The following SLC38A6 variants were observed in gnomAD, a reference collection of about 807,000 sequenced individuals.
The protein encoded by SLC38A6 is N system amino acid transporter NAT-1.
A neutral mutation model predicts 65.0 loss-of-function variants in SLC38A6; 73 were observed. The ratio of observed to expected loss-of-function variants is 1.12; its 90% confidence interval spans 0.93 to 1.37. The LOEUF (loss-of-function observed/expected upper bound fraction) is 1.37. Ranked by LOEUF, SLC38A6 falls within the 40% of genes most tolerant of loss-of-function variation. The pLI, the probability that SLC38A6 is intolerant of heterozygous loss-of-function variation, is 0.00. For synonymous variants in SLC38A6, 183 were observed against 178.8 expected (o/e 1.02, Z -0.19); for missense variants, 561 against 531.1 (o/e 1.06, Z -0.55).
intron 16 of SLC38A6, among the ~76,000 whole-genome samples, chr14:61,080,592 C>G (rs1267458484): frequency 2.0e-5 from 3 of 152,192 alleles, no homozygotes; most frequent in African/African-American, 4.8e-5. Context: ...GGAAGCAAGT[C>G]GAAGTGGTTT....
intron 8 of SLC38A6, 27 bp downstream of exon 8, chr14:61,037,710 T>C: frequency 7.0e-7 from 1 of 1,433,184 alleles, no homozygotes; most frequent in Non-Finnish European, 9.6e-7. Flanking sequence ...ATACATTGCT[T>C]ATCTCCTCAC....
In SLC38A6 at chr14:60,994,071, A is replaced by C. The variant is rs562385009; in HGVS notation, c.310+9268A>C. 1.9e-3 allele frequency among the ~76,000 whole-genome samples: 290 copies of C among 152,358 alleles called. 1 individual carries two copies. The highest frequency in any genetic ancestry group is 6.4e-3 in the African/African-American group (265 of 41,584). ...ATATAATCTCATCATAGGATCCATCAGTAGTGCTCCTTGGTATTTACCCAA... is the reference window on the plus strand; with the variant it reads ...ATATAATCTCATCATAGGATCCATCCGTAGTGCTCCTTGGTATTTACCCAA... On this transcript the variant is annotated intron_variant, in intron 3 of 15. Transcript: ENST00000267488.
chr14:61,039,369 T>TTTAG (rs1215484583), intron 8 of SLC38A6, among the ~76,000 whole-genome samples: 3 of 151,872 alleles, frequency 2.0e-5, no homozygotes, highest in Non-Finnish European at 2.9e-5. Flanking sequence ...TATTTTATTA[T>TTTAG]TTATTTATTT....
chr14:60,983,457 G>C (rs955012270), intron 2 of SLC38A6, among the ~76,000 whole-genome samples: 3 of 152,182 alleles, frequency 2.0e-5, no homozygotes, highest in Admixed American at 2.0e-4. Context: ...TAGCCTGGGT[G>C]ACAGAGTGAG....
At chr14:60,982,065 T>G (rs1166439367) in intron 1 of SLC38A6, 3 of 431,310 alleles carry the variant, frequency 7.0e-6, no homozygotes, top group Non-Finnish European at 1.4e-5. Flanking sequence ...GTAGAACTAA[T>G]TCATTAGATA....
chr14:61,023,987 C>G (rs1392106924), intron 5 of SLC38A6, among the ~76,000 whole-genome samples: 1 of 152,072 alleles, frequency 6.6e-6, no homozygotes, highest in Non-Finnish European at 1.5e-5. Flanking sequence ...GGGGGAAAAG[C>G]TAGTGACCTG....
Position 61,081,632 on chromosome 14 carries a change from C to T in SLC38A6, c.1409-1923C>T, listed in dbSNP as rs188815282. 3.5e-3 allele frequency among the ~76,000 whole-genome samples: 529 copies of T among 152,160 alleles called. 3 individuals are homozygous for T. The highest frequency in any genetic ancestry group is 0.024 in the South Asian group (114 of 4,814). ...CCCGGGAGGCAGAGGTTGCAGTAAG[C>T]CAATACCCGCCACTGCACTCCAGCC... On this transcript the variant is annotated intron_variant, in intron 16 of 16. Coordinates refer to the SLC38A6 transcript ENST00000354886.
intron 3 of SLC38A6, among the ~76,000 whole-genome samples, chr14:61,011,611 A>G (rs1250276462): frequency 2.0e-5 from 3 of 152,214 alleles, no homozygotes; most frequent in Non-Finnish European, 4.4e-5. Flanking sequence ...AATTTTGCCA[A>G]AGGCCTTTTC....
chr14:61,053,262 T>G (rs2042595921), downstream of SLC38A6, among the ~76,000 whole-genome samples: 1 of 152,178 alleles, frequency 6.6e-6, no homozygotes, highest in African/African-American at 2.4e-5. Context: ...ATTTTCTTTA[T>G]CCAGTCTGTC....
At chr14:61,005,580 C>A (rs1424807889) in intron 3 of SLC38A6, among the ~76,000 whole-genome samples, 7 of 151,768 alleles carry the variant, frequency 4.6e-5, no homozygotes, top group Non-Finnish European at 5.9e-5. Flanking sequence ...CTCCCATTCA[C>A]AATTGCTTCA....
intron 10 of SLC38A6, among the ~76,000 whole-genome samples, chr14:61,044,773 C>G (rs990501131): frequency 6.6e-6 from 1 of 152,110 alleles, no homozygotes; most frequent in African/African-American, 2.4e-5. Context: ...CATTGGATCT[C>G]TTAAGAGTTT....
At chr14:61,038,010 C>T (rs2041520331) in intron 8 of SLC38A6, among the ~76,000 whole-genome samples, 1 of 152,080 alleles carries the variant, frequency 6.6e-6, no homozygotes. Flanking sequence ...AAGAATCAGT[C>T]TGGTTCTAAT....
intron 15 of SLC38A6, among the ~76,000 whole-genome samples, chr14:61,074,853 T>G (rs1293521856): frequency 6.6e-6 from 1 of 152,182 alleles, no homozygotes; most frequent in Non-Finnish European, 1.5e-5. Flanking sequence ...TCTTTTTTTT[T>G]TTGGTGGTGG....
In SLC38A6 at chr14:61,040,955, A is replaced by G. The variant is rs111767505; in HGVS notation, c.625-2192A>G. 8.4e-3 allele frequency among the ~76,000 whole-genome samples: 1,284 copies of G among 152,252 alleles called. 22 individuals are homozygous for G. Among genetic ancestry groups the G allele is most frequent in the African/African-American group, 0.029 (1,211 of 41,518 alleles). ...ATGGAGAACAGTGTGTGCAATATAT[A>G]AATAAGTATTGATATATTTGCTTCA... On this transcript the variant is annotated intron_variant, in intron 8 of 15. Transcript: ENST00000267488.
chr14:61,005,037 G>A (rs562714727), intron 3 of SLC38A6, among the ~76,000 whole-genome samples: 66 of 152,106 alleles, frequency 4.3e-4, no homozygotes, highest in Admixed American at 2.3e-3. Flanking sequence ...TTCAATATAC[G>A]CAAATCAATA....
chr14:61,030,615 AAAAT>A, intron 6 of SLC38A6, 92 bp downstream of exon 6: 1 of 835,048 alleles, frequency 1.2e-6, no homozygotes. Context: ...AGTGGCAGGT[AAAAT>A]AAATGTAGTC....
At chr14:60,986,613 T>C (rs1040090671) in intron 3 of SLC38A6, among the ~76,000 whole-genome samples, 1 of 152,362 alleles carries the variant, frequency 6.6e-6, no homozygotes, top group Middle Eastern at 3.4e-3. Flanking sequence ...AAAAGCATCC[T>C]GAATTTAGGA....
At chr14:61,030,585 C>A in intron 6 of SLC38A6, 62 bp downstream of exon 6, 1 of 1,130,172 alleles carries the variant, frequency 8.8e-7, no homozygotes, top group Non-Finnish European at 1.3e-6. Flanking sequence ...ATGTATTAAG[C>A]TGTAAATGGC....
At chr14:61,049,512 T>C (rs2042376814) in intron 12 of SLC38A6, among the ~76,000 whole-genome samples, 2 of 152,168 alleles carry the variant, frequency 1.3e-5, no homozygotes, top group African/African-American at 2.4e-5. Context: ...TCAGTGTAAG[T>C]TGCTAGTTAC....
Sources: allele counts gnomAD v4.1 joint callset (sites outside exome capture counted in the v4.1 genomes callset), GRCh38; gene constraint gnomAD v4.1.1; transcripts MANE v1.5; gene names NCBI Gene and HGNC (gene_info 2026-07-23, HGNC 2026-07-21).